EXOC6B: variants seen among roughly 807,000 people sequenced by gnomAD.
The protein encoded by EXOC6B is exocyst complex component 6B.
In EXOC6B, 54 loss-of-function variants were observed where a neutral mutation model predicts 113.5. That is an observed-to-expected ratio of 0.48 (90% CI 0.38 to 0.60). The LOEUF is 0.60. Among genes scored for constraint, EXOC6B ranks in the 20% least tolerant of loss-of-function variants. The pLI is 0.00. For synonymous variants in EXOC6B, 357 were observed against 339.0 expected (o/e 1.05, Z -0.58); for missense variants, 797 against 977.5 (o/e 0.82, Z 2.46).
intron 20 of EXOC6B, among the ~76,000 whole-genome samples, chr2:72,310,542 C>T (rs904170307): frequency 1.3e-5 from 2 of 151,842 alleles, no homozygotes; most frequent in Non-Finnish European, 2.9e-5. Context: ...AAGTCTCTTA[C>T]CAGTTTTATG....
intron 20 of EXOC6B, among the ~76,000 whole-genome samples, chr2:72,303,936 T>C (rs1162866422): frequency 2.0e-5 from 3 of 152,146 alleles, no homozygotes; most frequent in Non-Finnish European, 1.5e-5. Context: ...CCAGGACCTA[T>C]GTGGAAAACA....
intron 1 of EXOC6B, among the ~76,000 whole-genome samples, chr2:72,765,561 T>A (rs1683008195): frequency 6.6e-6 from 1 of 152,014 alleles, no homozygotes; most frequent in South Asian, 2.1e-4. Flanking sequence ...TAATCCCAGC[T>A]ACTGGGGAGG....
chr2:72,202,365 CAGG>C (rs1161041891), intron 20 of EXOC6B, among the ~76,000 whole-genome samples: 1 of 152,184 alleles, frequency 6.6e-6, no homozygotes, highest in Non-Finnish European at 1.5e-5. Flanking sequence ...TTTAAAACAA[CAGG>C]AGTTGTTCTG....
chr2:72,366,325 ACAG>A (rs1261226455), intron 19 of EXOC6B, among the ~76,000 whole-genome samples: 2 of 152,122 alleles, frequency 1.3e-5, no homozygotes, highest in Non-Finnish European at 2.9e-5. Flanking sequence ...AAATAGATAA[ACAG>A]CAGATTAGAT....
At chr2:72,584,556 A>C (rs746247947) in intron 6 of EXOC6B, among the ~76,000 whole-genome samples, 3 of 152,214 alleles carry the variant, frequency 2.0e-5, no homozygotes, top group Non-Finnish European at 2.9e-5. Flanking sequence ...CAACCACACA[A>C]AAATAGTGAA....
intron 6 of EXOC6B, among the ~76,000 whole-genome samples, chr2:72,698,438 A>C (rs1678049611): frequency 6.6e-6 from 1 of 152,218 alleles, no homozygotes; most frequent in African/African-American, 2.4e-5. Flanking sequence ...CACCAAAGTA[A>C]AATGCCTTTT....
intron 20 of EXOC6B, among the ~76,000 whole-genome samples, chr2:72,259,693 A>G (rs954178760): frequency 6.6e-6 from 1 of 152,178 alleles, no homozygotes; most frequent in Non-Finnish European, 1.5e-5. Context: ...CCAATTTTTT[A>G]CTGAATAATT....
intron 6 of EXOC6B, among the ~76,000 whole-genome samples, chr2:72,642,932 A>AC (rs1673375913): frequency 6.7e-6 from 1 of 148,620 alleles, no homozygotes; most frequent in Non-Finnish European, 1.5e-5. Flanking sequence ...AAAACAAACA[A>AC]CCCCATCAAA....
At chr2:72,597,883 G>A (rs1670172596) in intron 6 of EXOC6B, among the ~76,000 whole-genome samples, 1 of 151,922 alleles carries the variant, frequency 6.6e-6, no homozygotes, top group Non-Finnish European at 1.5e-5. Flanking sequence ...AATTCTCCAA[G>A]AAGACACAAC....
At chr2:72,469,155 C>G (rs893857535) in intron 17 of EXOC6B, among the ~76,000 whole-genome samples, 1 of 152,014 alleles carries the variant, frequency 6.6e-6, no homozygotes, top group African/African-American at 2.4e-5. Flanking sequence ...TCTGTGGGTA[C>G]TTAAAAATGC....
At chr2:72,655,677 C>A (rs1674524835) in intron 6 of EXOC6B, among the ~76,000 whole-genome samples, 1 of 151,930 alleles carries the variant, frequency 6.6e-6, no homozygotes, top group Admixed American at 6.6e-5. Flanking sequence ...TATCCAACGC[C>A]TGGCAATAAG....
At chr2:72,791,538 C>T (rs1473463513) in intron 1 of EXOC6B, among the ~76,000 whole-genome samples, 1 of 152,092 alleles carries the variant, frequency 6.6e-6, no homozygotes, top group East Asian at 1.9e-4. Flanking sequence ...CAGAGTGAGA[C>T]CCTGTCTCAA....
chr2:72,414,090 A>G (rs1368902089), intron 18 of EXOC6B, among the ~76,000 whole-genome samples: 1 of 152,240 alleles, frequency 6.6e-6, no homozygotes, highest in Non-Finnish European at 1.5e-5. Context: ...CACTAATTAT[A>G]TATTCACATA....
At chr2:72,325,710 C>T (rs1688090981) in intron 20 of EXOC6B, among the ~76,000 whole-genome samples, 1 of 152,004 alleles carries the variant, frequency 6.6e-6, no homozygotes, top group South Asian at 2.1e-4. Flanking sequence ...TCTATCTTCA[C>T]TTGTCCTCTT....
intron 18 of EXOC6B, among the ~76,000 whole-genome samples, chr2:72,456,950 AG>A (rs1342608179): frequency 1.3e-5 from 2 of 151,908 alleles, no homozygotes; most frequent in African/African-American, 2.4e-5. Flanking sequence ...GAAGTATGTA[AG>A]ATTTTCAACA....
At chr2:72,760,976 T>A (rs1286322757) in intron 1 of EXOC6B, among the ~76,000 whole-genome samples, 1 of 152,122 alleles carries the variant, frequency 6.6e-6, no homozygotes. Flanking sequence ...GGTCAGGACT[T>A]CAGGACCAGC....
chr2:72,450,728 T>C (rs978702581), intron 18 of EXOC6B, among the ~76,000 whole-genome samples: 17 of 152,340 alleles, frequency 1.1e-4, no homozygotes, highest in Admixed American at 7.8e-4. Flanking sequence ...TTCAGTGATC[T>C]TCCCTCAATA....
chr2:72,212,780 A>C (rs572848163), intron 20 of EXOC6B, among the ~76,000 whole-genome samples: 1 of 152,238 alleles, frequency 6.6e-6, no homozygotes, highest in Non-Finnish European at 1.5e-5. Flanking sequence ...ATTGTAGTAC[A>C]TGATGCTTAG....
chr2:72,348,759 T>A (rs945079699), intron 19 of EXOC6B, among the ~76,000 whole-genome samples: 3 of 152,154 alleles, frequency 2.0e-5, no homozygotes, highest in Non-Finnish European at 2.9e-5. Flanking sequence ...TAAATGCTGA[T>A]CGTTAACAAG....
Sources: gnomAD v4.1 joint callset for allele counts (sites outside exome capture counted in the v4.1 genomes callset) on GRCh38, gnomAD v4.1.1 for gene constraint, MANE v1.5 for transcripts, NCBI Gene and HGNC (gene_info 2026-07-23, HGNC 2026-07-21) for gene names.